Variants in FASTKD3 observed in about 807,000 individuals in gnomAD.
The protein encoded by FASTKD3 is FAST kinase domain-containing protein 3, mitochondrial.
In FASTKD3, 47 loss-of-function variants were observed where a neutral mutation model predicts 49.7. The observed-to-expected ratio is 0.95, with a 90% CI of 0.75 to 1.21. The LOEUF is 1.21. Ranked by LOEUF, FASTKD3 falls within the 50% of genes most tolerant of loss-of-function variation. The probability of loss-of-function intolerance (pLI) is 0.00; values close to 1 mark genes in which losing one functional copy is unlikely to be tolerated. For synonymous variants in FASTKD3, 284 were observed against 288.6 expected, an observed-to-expected ratio of 0.98 and a Z score of 0.16; for missense variants, 748 against 765.7, an observed-to-expected ratio of 0.98 and a Z score of 0.27.
chr5:7,867,239 T>C lies in FASTKD3; in HGVS notation c.845A>G (p.Asn282Ser). Reference protein sequence around the residue: ...EHQTFLNKINNFSLSIVSNLS... With the variant: ...EHQTFLNKINSFSLSIVSNLS... Reference sequence around the variant, plus strand: ...GTTGGAAACTATTGATAGGGAAAAGTTGTTTATCTTATTTAAAAATGTTTG... The same window carrying C: ...GTTGGAAACTATTGATAGGGAAAAGCTGTTTATCTTATTTAAAAATGTTTG... Residue 282 changes from asparagine (N) to serine (S), a missense_variant, in exon 2 of 7, where the codon AAC becomes AGC. Asn to Ser is a conservative substitution (Grantham distance 46). This residue lies in a region of FASTKD3 where 564 missense variants were observed against 562.8 expected (regional missense o/e 1.00). Coordinates refer to ENST00000264669, the MANE Select transcript of FASTKD3 (RefSeq NM_024091.4). The C allele has an allele frequency of 6.2e-7, 1 of 1,614,024 alleles. No individual in the cohort carries two copies. Among genetic ancestry groups the C allele is most frequent in the Non-Finnish European group, 8.5e-7 (1 of 1,180,022 alleles).
intron 3 of FASTKD3, 146 bp downstream of exon 3, chr5:7,865,752 T>A: frequency 1.6e-6 from 1 of 606,996 alleles, no homozygotes; most frequent in East Asian, 2.5e-5. Flanking sequence ...GGTCCATTTA[T>A]CAAAGAAAAG....
chr5:7,865,802 G>T, intron 3 of FASTKD3, 96 bp downstream of exon 3: 1 of 877,072 alleles, frequency 1.1e-6, no homozygotes, highest in Non-Finnish European at 1.8e-6. Flanking sequence ...ATGAAATTCT[G>T]CTTTTTCAGG....
intron 6 of FASTKD3, among the ~76,000 whole-genome samples, chr5:7,860,793 G>A (rs573284405): frequency 1.3e-5 from 2 of 152,266 alleles, no homozygotes; most frequent in Non-Finnish European, 2.9e-5. Context: ...GCTATTTCTT[G>A]TAGAAGCTTC....
chr5:7,863,093 A>G, intron 3 of FASTKD3, 96 bp from the exon 4 acceptor site: 1 of 1,032,650 alleles, frequency 9.7e-7, no homozygotes, highest in Non-Finnish European at 1.5e-6. Flanking sequence ...TTGATATAAC[A>G]TTACTTTATA....
rs978533461 is a variant in FASTKD3, at chr5:7,867,547, C to G, written c.537G>C (p.Val179=). 1 of 1,614,238 alleles carries G rather than the reference C, an allele frequency of 6.2e-7. No homozygotes were observed. The highest frequency in any genetic ancestry group is 1.1e-5 in the South Asian group (1 of 91,080). ...ACAGAATCAGAGCTTGCAAAGCAGT[C>G]ACTAAACTAGTGTTTGACAGCTGTG... ...EPSQLSNTSL[V]TALQALILLH... The change falls in exon 2 of 7, where the codon GTG becomes GTC. Residue 179 remains valine, a synonymous_variant. Coordinates refer to ENST00000264669, the MANE Select transcript of FASTKD3 (RefSeq NM_024091.4).
Position 7,861,620 on chromosome 5 carries a change from C to G in FASTKD3, c.1732G>C (p.Val578Leu). 6.2e-7 allele frequency: 1 copy of G among 1,607,398 alleles called. No individual in the cohort carries two copies. Among genetic ancestry groups the G allele is most frequent in the Non-Finnish European group, 8.5e-7 (1 of 1,176,790 alleles). The change falls in exon 5 of 7, where the codon GTA becomes CTA. Residue 578 changes from valine to leucine, a missense_variant. Coordinates refer to ENST00000264669, the MANE Select transcript of FASTKD3 (RefSeq NM_024091.4). The part of the protein sequence containing the change: ...VEIKLDEEGF[V>L]LPSTANEDIH... ...TCTTCATTAGCTGTGGATGGCAATA[C>G]AAATCCTTCTTCATCTAATTTAATT... is the stretch of plus-strand genomic sequence containing the variant.
At chr5:7,865,597 G>A (rs2126608570) in intron 3 of FASTKD3, among the ~76,000 whole-genome samples, 1 of 152,308 alleles carries the variant, frequency 6.6e-6, no homozygotes, top group South Asian at 2.1e-4. Flanking sequence ...AAACCTAGTA[G>A]TAAACCTAGT....
Position 7,868,051 on chromosome 5 carries a change from A to G in FASTKD3, c.33T>C (p.Tyr11=), listed in dbSNP as rs1376636896. 1.2e-5 allele frequency: 20 copies of G among 1,612,406 alleles called. No individual in the cohort carries two copies. The highest frequency in any genetic ancestry group is 1.7e-5 in the Non-Finnish European group (20 of 1,179,552). Residue 11 remains tyrosine (Y), a synonymous_variant, in exon 2 of 7, where the codon TAT becomes TAC. Coordinates refer to ENST00000264669, the MANE Select transcript of FASTKD3 (RefSeq NM_024091.4). The part of the protein sequence containing the change: MALITLRKNL[Y]RLSDFQMHRA... ...TATGCATCTGAAAATCAGATAAACG[A>G]TAAAGGTTCTTCCTCAAGGTGATTA...
rs1273064710 is a variant in FASTKD3 at position 7,868,889 on chromosome 5, G to C, written c.-114+90C>G. 8 of 576,666 alleles carry C rather than the reference G, an allele frequency of 1.4e-5. No individual in the cohort carries two copies. In the South Asian group the frequency reaches 1.5e-4, roughly 11 times the overall value. The allele number at this position is 576,666 out of a possible 1,614,324, so 35.7% of individuals were successfully genotyped here. A position where few individuals can be genotyped will look rare whatever the true frequency, so the allele number is the denominator to read the frequency against. ...GCCCCGGGGACCTGCGCTGAGACAC[G>C]GGCCGGGCGGCGCAGCCTGAGGAGA... is the stretch of plus-strand genomic sequence containing the variant. On this transcript the variant is annotated intron_variant, in intron 1 of 6. Coordinates refer to ENST00000264669, the MANE Select transcript of FASTKD3 (RefSeq NM_024091.4).
chr5:7,865,519 G>A (rs1387351123), intron 3 of FASTKD3, among the ~76,000 whole-genome samples: 2 of 152,144 alleles, frequency 1.3e-5, no homozygotes, highest in East Asian at 1.9e-4. Flanking sequence ...AAAATATACT[G>A]TACTTGCAAA....
Position 7,867,321 on chromosome 5 carries a change from C to T in FASTKD3, c.763G>A (p.Asp255Asn), listed in dbSNP as rs1427311173. The T allele has an allele frequency of 1.9e-6, 3 of 1,613,810 alleles. No individual in the cohort carries two copies. Among genetic ancestry groups the T allele is most frequent in the African/African-American group, 1.3e-5 (1 of 74,930 alleles). The change falls in exon 2 of 7, where the codon GAT becomes AAT. Residue 255 changes from aspartate to asparagine, a missense_variant. Physicochemically the swap from Asp to Asn is conservative, Grantham distance 23 (BLOSUM62 1). This residue lies in a region of FASTKD3 where 564 missense variants were observed against 562.8 expected (regional missense o/e 1.00). Coordinates refer to ENST00000264669, the MANE Select transcript of FASTKD3 (RefSeq NM_024091.4). ...AAGATTCTATAAAGGGCCACAATAT[C>T]CTCCGGGGTAAATGTTTCCAATTTT... ...GEKLETFTPE[D>N]IVALYRILQA... is the part of the protein sequence containing the mutation.
rs758943297 is a variant in FASTKD3 at position 7,868,983 on chromosome 5, C to T, written c.-118G>A. ...AGACCCCGCGTTGACACCTACCGCG[C>T]TCTGCCGGGCAATCACTCCGGGTGG... On this transcript the variant is annotated 5_prime_UTR_variant, in exon 1 of 7. Transcript: ENST00000264669. 7.1e-5 allele frequency: 63 copies of T among 881,448 alleles called. No individual in the cohort carries two copies. The highest frequency in any genetic ancestry group is 9.9e-5 in the African/African-American group (6 of 60,906). 54.6% of individuals were successfully genotyped at this position (881,448 alleles called of 1,614,324 possible). A position where few individuals can be genotyped will look rare whatever the true frequency, so the allele number is the denominator to read the frequency against.
rs1483567371 is a variant in FASTKD3, at chr5:7,867,569, T to C, written c.515A>G (p.Gln172Arg). ...LCFQFEKEPSQLSNTSLVTAL... is the reference protein window; with the variant it reads ...LCFQFEKEPSRLSNTSLVTAL... ...AGTCACTAAACTAGTGTTTGACAGCTGTGAGGGCTCCTTTTCAAACTGAAA... is the reference window on the plus strand; with the variant it reads ...AGTCACTAAACTAGTGTTTGACAGCCGTGAGGGCTCCTTTTCAAACTGAAA... Residue 172 changes from glutamine (Q) to arginine (R), a missense_variant, in exon 2 of 7, where the codon CAG becomes CGG. Transcript: ENST00000264669. 3.1e-6 allele frequency: 5 copies of C among 1,614,162 alleles called. No homozygotes were observed. The African/African-American group carries it at 4.0e-5, about 13-fold the overall frequency.
At position 7,867,454 on chromosome 5, in the gene FASTKD3, T is replaced by C; in HGVS notation, c.630A>G (p.Lys210=). The change falls in exon 2 of 7, where the codon AAA becomes AAG. Residue 210 remains lysine (K), a synonymous_variant. Coordinates refer to ENST00000264669, the MANE Select transcript of FASTKD3 (RefSeq NM_024091.4). ...LVAECQNRLR[K]GGMEVRNLCI... ...AAAGATTGCGAACTTCCATGCCACC[T>C]TTTCTGAGACGATTTTGGCATTCTG... 6.2e-7 allele frequency: 1 copy of C among 1,614,220 alleles called. No homozygotes were observed. The highest frequency in any genetic ancestry group is 8.5e-7 in the Non-Finnish European group (1 of 1,180,052).
In FASTKD3 at chr5:7,867,303, T is replaced by TA. The variant is rs774104646; in HGVS notation, c.780dup (p.Arg261Ter). On this transcript the variant is annotated frameshift_variant, in exon 2 of 7. Transcript: ENST00000264669. LOFTEE classifies it high-confidence loss of function. The stretch of plus-strand genomic sequence containing the variant: ...TTTTCAGTACATGCCTGCAAGATTC[T>TA]ATAAAGGGCCACAATATCCTCCGGG... 1.2e-6 allele frequency: 2 copies of TA among 1,613,804 alleles called. No homozygotes were observed. Among genetic ancestry groups the TA allele is most frequent in the South Asian group, 2.2e-5 (2 of 91,088 alleles).
chr5:7,860,521 G>T (rs973118955), intron 6 of FASTKD3, among the ~76,000 whole-genome samples: 3 of 152,130 alleles, frequency 2.0e-5, no homozygotes, highest in East Asian at 1.9e-4. Flanking sequence ...ATATAGGTAG[G>T]CCCCACTTTT....
Position 7,867,125 on chromosome 5 carries a change from T to C in FASTKD3, c.959A>G (p.Lys320Arg). 1 of 1,614,172 alleles carries C rather than the reference T, an allele frequency of 6.2e-7. No individual in the cohort carries two copies. Among genetic ancestry groups the C allele is most frequent in the Non-Finnish European group, 8.5e-7 (1 of 1,180,042 alleles). Residue 320 changes from lysine (K) to arginine (R), a missense_variant, in exon 2 of 7, where the codon AAA (lysine) becomes AGA (arginine). Transcript: ENST00000264669. ...QAFPLIIKLG[K>R]YVVRHVPHFT... ...ATGTGGGACATGCCTCACGACATAT[T>C]TGCCCAATTTTATAATCAGAGGAAA...
intron 1 of FASTKD3, 144 bp downstream of exon 1, chr5:7,868,835 C>G (rs1464673492): frequency 1.9e-6 from 1 of 517,334 alleles, no homozygotes; most frequent in East Asian, 3.5e-5. Context: ...ATGAAAGGGA[C>G]CCGCGGGGCG....
chr5:7,868,219 A>T, intron 1 of FASTKD3, 23 bp from the exon 2 acceptor site: 1 of 602,806 alleles, frequency 1.7e-6, no homozygotes, highest in Non-Finnish European at 2.7e-6. Flanking sequence ...AAAAAAAAAA[A>T]AAAAGGATGG....
Sources: gnomAD v4.1 joint callset for allele counts (sites outside exome capture counted in the v4.1 genomes callset) on GRCh38, gnomAD v4.1.1 for gene constraint, gnomAD v4.1.1 regional missense constraint, MANE v1.5 for transcripts, NCBI Gene and HGNC (gene_info 2026-07-23, HGNC 2026-07-21) for gene names.